NUP155: variants seen among roughly 807,000 people sequenced by gnomAD.
NUP155 encodes the protein nuclear pore complex protein Nup155.
NUP155 carries 71 observed loss-of-function variants against 180.4 expected under a neutral mutation model. The observed-to-expected ratio is 0.39, with a 90% confidence interval of 0.33 to 0.48. The LOEUF (loss-of-function observed/expected upper bound fraction) is 0.48, where lower values mean the gene tolerates loss of function less well. Among genes scored for constraint, NUP155 ranks in the 20% least tolerant of loss-of-function variants. The pLI is 0.91. For synonymous variants in NUP155, 582 were observed against 559.5 expected, an observed-to-expected ratio of 1.04 and a Z score of -0.57; for missense variants, 1,553 against 1,648.9, an observed-to-expected ratio of 0.94 and a Z score of 1.01.
chr5:37,370,828 A>G lies in NUP155; in HGVS notation c.150T>C (p.Ser50=). Residue 50 remains serine (S), a synonymous_variant, in exon 1 of 35, where the codon TCT becomes TCC. Coordinates refer to ENST00000231498, the MANE Select transcript of NUP155 (RefSeq NM_153485.3). ...YPDLSELLMV[S]APNNPTVSGM... ...AGGGTCACTATCACTCACTTGGGGC[A>G]GACACCATAAGCAGCTCGGAAAGGT... The G allele has an allele frequency of 1.2e-6, 2 of 1,614,198 alleles. No individual in the cohort carries two copies. The highest frequency in any genetic ancestry group is 1.1e-5 in the South Asian group (1 of 91,084).
chr5:37,299,879 A>T (rs1465070466), intron 30 of NUP155, among the ~76,000 whole-genome samples: 3 of 75,136 alleles, frequency 4.0e-5, no homozygotes, highest in East Asian at 2.6e-4. Flanking sequence ...CTAAAATTTA[A>T]AAAAAAAAAA....
At position 37,309,187 on chromosome 5, in the gene NUP155, T is replaced by G; in HGVS notation, c.2709A>C (p.Glu903Asp). 6.2e-7 allele frequency: 1 copy of G among 1,613,618 alleles called. No individual in the cohort carries two copies. The highest frequency in any genetic ancestry group is 8.5e-7 in the Non-Finnish European group (1 of 1,179,716). Residue 903 changes from glutamate (E) to aspartate (D), a missense_variant, in exon 24 of 35, where the codon GAA becomes GAC. Transcript: ENST00000231498. Reference sequence around the variant, plus strand: ...CCACTTGATTGCTAATTTTTTGATATTCCTTTAATGATTCCCTTAACATTC... The same window carrying G: ...CCACTTGATTGCTAATTTTTTGATAGTCCTTTAATGATTCCCTTAACATTC... Reference protein sequence around the residue: ...KERMLRESLKEYQKISNQVDL... With the variant: ...KERMLRESLKDYQKISNQVDL...
chr5:37,352,038 C>T (rs1250555486), intron 5 of NUP155, among the ~76,000 whole-genome samples: 2 of 151,900 alleles, frequency 1.3e-5, no homozygotes, highest in Admixed American at 1.3e-4. Flanking sequence ...GCCTGACCAA[C>T]ATGAAGACAC....
intron 27 of NUP155, 115 bp from the exon 28 acceptor site, chr5:37,303,529 C>A: frequency 1.2e-6 from 1 of 853,278 alleles, no homozygotes; most frequent in East Asian, 2.6e-5. Context: ...TTTATGAAAA[C>A]AAGCAAAATT....
chr5:37,363,176 T>C (rs1747331055), intron 3 of NUP155, among the ~76,000 whole-genome samples: 1 of 152,162 alleles, frequency 6.6e-6, no homozygotes, highest in Admixed American at 6.6e-5. Context: ...CCTCCCAAAG[T>C]GCTGGGATTA....
At chr5:37,353,567 G>C (rs1029412635) in intron 4 of NUP155, among the ~76,000 whole-genome samples, 3 of 152,040 alleles carry the variant, frequency 2.0e-5, no homozygotes, top group African/African-American at 7.2e-5. Context: ...GGACGACAGA[G>C]TGAGACTCCA....
At chr5:37,363,769 T>A in intron 3 of NUP155, 119 bp downstream of exon 3, 1 of 724,422 alleles carries the variant, frequency 1.4e-6, no homozygotes, top group Non-Finnish European at 2.5e-6. Context: ...TGAGAAGCAC[T>A]GACCCAAAGG....
intron 1 of NUP155, among the ~76,000 whole-genome samples, chr5:37,369,124 C>T (rs1325846644): frequency 6.6e-6 from 1 of 152,036 alleles, no homozygotes; most frequent in Admixed American, 6.6e-5. Flanking sequence ...TGGTGGCAGG[C>T]GCCTGTAGTC....
chr5:37,292,875 G>C lies in NUP155; in HGVS notation c.4037+4C>G, dbSNP rs1169924031. 6.4e-7 allele frequency: 1 copy of C among 1,562,082 alleles called. No homozygotes were observed. The highest frequency in any genetic ancestry group is 1.1e-5 in the South Asian group (1 of 89,992). Reference sequence around the variant, plus strand: ...TGCTGATCCAATATTTAATTCATAAGTACCTTTCACAATTTAAAACTTGGC... The same window carrying C: ...TGCTGATCCAATATTTAATTCATAACTACCTTTCACAATTTAAAACTTGGC... On this transcript the variant is annotated splice_donor_region_variant and intron_variant, in intron 34 of 34. Transcript: ENST00000231498.
At chr5:37,343,126 G>C (rs1201006782) in intron 9 of NUP155, among the ~76,000 whole-genome samples, 1 of 151,318 alleles carries the variant, frequency 6.6e-6, no homozygotes, top group East Asian at 1.9e-4. Flanking sequence ...CCAGGCTGGA[G>C]TGCAGTGGCG....
chr5:37,368,955 T>C (rs1747783751), intron 1 of NUP155, among the ~76,000 whole-genome samples: 1 of 152,192 alleles, frequency 6.6e-6, no homozygotes, highest in Admixed American at 6.5e-5. Flanking sequence ...AGGATGGGAA[T>C]GCTACGAAAG....
chr5:37,296,638 G>A (rs915134615), intron 32 of NUP155, among the ~76,000 whole-genome samples: 6 of 151,602 alleles, frequency 4.0e-5, no homozygotes, highest in Admixed American at 6.6e-5. Flanking sequence ...CTATTGTCCT[G>A]TGACCCTGCC....
intron 13 of NUP155, 132 bp downstream of exon 13, chr5:37,333,331 G>C (rs563960384): frequency 1.2e-6 from 1 of 810,598 alleles, no homozygotes; most frequent in East Asian, 2.7e-5. Context: ...CTCCAGCCTG[G>C]GTGATGAGCG....
chr5:37,309,327 G>T, intron 23 of NUP155, 60 bp from the exon 24 acceptor site: 3 of 1,382,176 alleles, frequency 2.2e-6, no homozygotes, highest in Non-Finnish European at 3.0e-6. Flanking sequence ...AGATGATGCT[G>T]TCAACTAAGT....
At chr5:37,316,153 G>C (rs537918583) in intron 21 of NUP155, among the ~76,000 whole-genome samples, 1 of 152,276 alleles carries the variant, frequency 6.6e-6, no homozygotes, top group Admixed American at 6.5e-5. Context: ...AAAAACGGAA[G>C]TAACTCAGTG....
At chr5:37,301,014 G>A (rs1272655854) in intron 30 of NUP155, 2 of 194,306 alleles carry the variant, frequency 1.0e-5, no homozygotes, top group Non-Finnish European at 2.1e-5. Context: ...AGTAGAGACA[G>A]AGTTTCCCCA....
chr5:37,329,234 G>A lies in NUP155; in HGVS notation c.1769C>T (p.Pro590Leu), dbSNP rs1298306029. Reference sequence around the variant, plus strand: ...CAAGATGGGACCAACATTACTTGGAGGCGGAAGAGTGGTTGGAAATCTCAT... The same window carrying A: ...CAAGATGGGACCAACATTACTTGGAAGCGGAAGAGTGGTTGGAAATCTCAT... ...AQMRFPTTLPPPSNVGPILGS... is the reference protein window; with the variant it reads ...AQMRFPTTLPLPSNVGPILGS... The change falls in exon 16 of 35, where the codon CCT (proline) becomes CTT (leucine). Residue 590 changes from proline to leucine, a missense_variant. Physicochemically the swap from Pro to Leu is moderately conservative, Grantham distance 98 (BLOSUM62 -3). Transcript: ENST00000231498. 8.7e-6 allele frequency: 14 copies of A among 1,613,860 alleles called. No homozygotes were observed. The highest frequency in any genetic ancestry group is 1.3e-5 in the African/African-American group (1 of 74,918).
chr5:37,321,515 G>T (rs1056099570), intron 20 of NUP155, among the ~76,000 whole-genome samples: 1 of 151,956 alleles, frequency 6.6e-6, no homozygotes, highest in Non-Finnish European at 1.5e-5. Flanking sequence ...TCAAGAGATC[G>T]AGACCATCCT....
At chr5:37,333,808 T>A (rs1046866579) in intron 12 of NUP155, among the ~76,000 whole-genome samples, 175 bp from the exon 13 acceptor site, 1 of 151,944 alleles carries the variant, frequency 6.6e-6, no homozygotes, top group Non-Finnish European at 1.5e-5. Flanking sequence ...TTTTCTGGGT[T>A]TTTGTTTTTT....
Sources: gnomAD v4.1 joint callset for allele counts (sites outside exome capture counted in the v4.1 genomes callset) on GRCh38, gnomAD v4.1.1 for gene constraint, MANE v1.5 for transcripts, NCBI Gene and HGNC (gene_info 2026-07-23, HGNC 2026-07-21) for gene names.